The following CDH13 variants were observed in gnomAD, a reference collection of about 807,000 sequenced individuals.
CDH13 encodes cadherin-13.
CDH13 carries 24 observed loss-of-function variants against 63.8 expected under a neutral mutation model. That is an observed-to-expected ratio of 0.38 (90% CI 0.27 to 0.53). The LOEUF is 0.53. CDH13 is among the 20% of genes least tolerant of loss of function. The probability of loss-of-function intolerance (pLI) is 0.85; values close to 1 mark genes in which losing one functional copy is unlikely to be tolerated. For missense variants in CDH13, 1,049 were observed against 903.1 expected (o/e 1.16, Z -2.07); for synonymous variants, 503 against 355.3 (o/e 1.42, Z -4.67).
chr16:82,681,890 G>A (rs995583838), intron 1 of CDH13, among the ~76,000 whole-genome samples: 11 of 152,204 alleles, frequency 7.2e-5, no homozygotes, highest in Admixed American at 7.2e-4. Context: ...GGCTCCCAGA[G>A]GCCCCAGCCC....
intron 10 of CDH13, among the ~76,000 whole-genome samples, chr16:83,746,506 GGA>G (rs144472853): frequency 0.01 from 1,560 of 152,270 alleles, 30 homozygotes; most frequent in African/African-American, 0.036. Context: ...CCAAGTTCCA[GGA>G]TTAGGAGGTA....
At chr16:83,689,826 C>T (rs977119017) in intron 10 of CDH13, among the ~76,000 whole-genome samples, 4 of 152,164 alleles carry the variant, frequency 2.6e-5, no homozygotes, top group Admixed American at 6.5e-5. Context: ...TTCATTCATC[C>T]CACACCTGCA....
At chr16:82,900,511 A>C (rs1270343241) in intron 2 of CDH13, among the ~76,000 whole-genome samples, 1 of 152,182 alleles carries the variant, frequency 6.6e-6, no homozygotes, top group Non-Finnish European at 1.5e-5. Context: ...ATAAGAAATA[A>C]CTTCAGAGGT....
chr16:82,794,605 A>G (rs1278157613), intron 1 of CDH13, among the ~76,000 whole-genome samples: 1 of 152,144 alleles, frequency 6.6e-6, no homozygotes, highest in African/African-American at 2.4e-5. Flanking sequence ...TTTGACGACA[A>G]CGGAATCCAA....
At chr16:83,786,734 T>G (rs563497531) in intron 13 of CDH13, among the ~76,000 whole-genome samples, 3 of 152,080 alleles carry the variant, frequency 2.0e-5, no homozygotes, top group East Asian at 1.9e-4. Context: ...ATTACAGGCA[T>G]GCACCACCAT....
chr16:83,613,428 C>T (rs1909021696), intron 8 of CDH13, among the ~76,000 whole-genome samples: 1 of 152,132 alleles, frequency 6.6e-6, no homozygotes, highest in African/African-American at 2.4e-5. Context: ...TACAAACATA[C>T]ATATACACAC....
chr16:83,738,335 G>A (rs1168701021), intron 10 of CDH13, among the ~76,000 whole-genome samples: 6 of 152,204 alleles, frequency 3.9e-5, no homozygotes, highest in African/African-American at 7.2e-5. Context: ...CATTAAAAAC[G>A]TGTGTGTTTA....
At chr16:83,067,787 C>A (rs1358408522) in intron 3 of CDH13, among the ~76,000 whole-genome samples, 1 of 152,110 alleles carries the variant, frequency 6.6e-6, no homozygotes, top group Non-Finnish European at 1.5e-5. Flanking sequence ...TCTCTTGGTT[C>A]CTCTCCTTCC....
intron 5 of CDH13, among the ~76,000 whole-genome samples, chr16:83,343,265 A>T (rs1394753244): frequency 6.6e-6 from 1 of 152,200 alleles, no homozygotes. Context: ...GTCATGTATG[A>T]TGATGCTCAT....
At chr16:83,252,943 C>T (rs1345971834) in intron 5 of CDH13, among the ~76,000 whole-genome samples, 2 of 152,136 alleles carry the variant, frequency 1.3e-5, no homozygotes, top group African/African-American at 2.4e-5. Flanking sequence ...AATTAACTTT[C>T]TGAACCTCTG....
intron 6 of CDH13, among the ~76,000 whole-genome samples, chr16:83,411,586 G>A (rs1295239745): frequency 1.3e-5 from 2 of 151,996 alleles, no homozygotes; most frequent in African/African-American, 4.8e-5. Flanking sequence ...CATTCATTTG[G>A]CACACAGCAC....
chr16:82,901,925 A>C (rs1447739968), intron 2 of CDH13, among the ~76,000 whole-genome samples: 5 of 152,214 alleles, frequency 3.3e-5, no homozygotes, highest in Non-Finnish European at 7.3e-5. Context: ...AACAATGCCT[A>C]ACCATCCCAG....
intron 8 of CDH13, chr16:83,654,696 C>T (rs1259683623): frequency 6.6e-6 from 1 of 152,170 alleles, no homozygotes; most frequent in East Asian, 1.9e-4. Flanking sequence ...CCTGTACTTT[C>T]GTCTCCAGGC....
intron 6 of CDH13, among the ~76,000 whole-genome samples, chr16:83,379,987 C>G (rs2091533024): frequency 7.3e-6 from 1 of 137,832 alleles, no homozygotes; most frequent in South Asian, 2.3e-4. Flanking sequence ...AACAAGGAAG[C>G]CAATTTTAGG....
At chr16:83,544,180 A>G (rs1598263179) in intron 7 of CDH13, among the ~76,000 whole-genome samples, 1 of 152,176 alleles carries the variant, frequency 6.6e-6, no homozygotes, top group South Asian at 2.1e-4. Context: ...CAGTCCCCAC[A>G]TTGCAGAAGA....
chr16:83,703,730 G>A (rs1440819167), intron 10 of CDH13, among the ~76,000 whole-genome samples: 2 of 152,096 alleles, frequency 1.3e-5, no homozygotes, highest in Admixed American at 1.3e-4. Context: ...GAAACAAGGG[G>A]CAAGGAGACT....
chr16:83,283,501 G>A (rs2089235107), intron 5 of CDH13, among the ~76,000 whole-genome samples: 1 of 152,182 alleles, frequency 6.6e-6, no homozygotes, highest in African/African-American at 2.4e-5. Context: ...TGAGACATGA[G>A]AATCACTTGA....
intron 1 of CDH13, among the ~76,000 whole-genome samples, chr16:82,681,543 A>G (rs1914544876): frequency 6.6e-6 from 1 of 152,258 alleles, no homozygotes; most frequent in African/African-American, 2.4e-5. Flanking sequence ...TTTTTCTCTC[A>G]TAATGTTTGT....
intron 7 of CDH13, among the ~76,000 whole-genome samples, chr16:83,522,401 G>T (rs1048358192): frequency 6.6e-6 from 1 of 152,146 alleles, no homozygotes; most frequent in South Asian, 2.1e-4. Context: ...AGGCATATTG[G>T]GGAAGAAAGT....
Sources: allele counts gnomAD v4.1 joint callset (sites outside exome capture counted in the v4.1 genomes callset), GRCh38; gene constraint gnomAD v4.1.1; transcripts MANE v1.5; gene names NCBI Gene and HGNC (gene_info 2026-07-23, HGNC 2026-07-21).